Variants in ROBO3 observed in about 807,000 individuals in gnomAD.
ROBO3 encodes the protein roundabout homolog 3.
Under a neutral mutation model 160.5 loss-of-function variants are expected in ROBO3, and 97 were observed. That is an observed-to-expected ratio of 0.60 (90% confidence interval 0.51 to 0.72). The LOEUF (loss-of-function observed/expected upper bound fraction) is 0.72, where lower values mean the gene tolerates loss of function less well. Among genes scored for constraint, ROBO3 ranks in the 30% least tolerant of loss-of-function variants. The pLI, the probability that ROBO3 is intolerant of heterozygous loss-of-function variation, is 0.00. For missense variants in ROBO3, 1,858 were observed against 1,846.5 expected (o/e 1.01, Z -0.11); for synonymous variants, 780 against 746.2 (o/e 1.05, Z -0.74).
chr11:124,877,433 C>T (rs1450094388), intron 19 of ROBO3, 86 bp from the exon 20 acceptor site: 1 of 1,595,814 alleles, frequency 6.3e-7, no homozygotes, highest in Non-Finnish European at 8.6e-7. Context: ...CGCCACTGTC[C>T]TGAAACTCCC....
At position 124,873,815 on chromosome 11, in the gene ROBO3, C is replaced by A. The variant is rs1259237011; in HGVS notation, c.1737C>A (p.Asn579Lys). 6.2e-7 allele frequency: 1 copy of A among 1,613,788 alleles called. No individual in the cohort carries two copies. The highest frequency in any genetic ancestry group is 8.5e-7 in the Non-Finnish European group (1 of 1,179,800). Residue 579 changes from asparagine to lysine, a missense_variant, in exon 11 of 28, where the codon AAC (asparagine) becomes AAA (lysine). Coordinates refer to ENST00000397801, the MANE Select transcript of ROBO3 (RefSeq NM_022370.4). This position sits in a 1 kb window ranked among gnomAD's most constrained non-coding sequence, Gnocchi z 4.5. ...GCATTACCCTGACCTGGAAGCCCAA[C>A]CCACAAACTGGGGCTGCAGTCACGT... ...KNSITLTWKP[N>K]PQTGAAVTSY...
Position 124,876,164 on chromosome 11 carries a change from G to C in ROBO3, c.2593+39G>C, listed in dbSNP as rs765366725. 9.6e-6 allele frequency: 15 copies of C among 1,561,780 alleles called. No individual in the cohort carries two copies. The highest frequency in any genetic ancestry group is 9.0e-5 in the East Asian group (4 of 44,288). On this transcript the variant is annotated intron_variant, in intron 16 of 27. Transcript: ENST00000397801. The surrounding 1 kb of genome is among the most constrained non-coding windows in gnomAD (Gnocchi z 5.3). The stretch of plus-strand genomic sequence containing the variant: ...AGGGCAGTGCTGAGGATCTTGACGG[G>C]GGCGGGGCAAGCCCCCCACTGGGGT...
chr11:124,866,030 C>A (rs1187910096), intron 1 of ROBO3, among the ~76,000 whole-genome samples: 4 of 152,158 alleles, frequency 2.6e-5, no homozygotes, highest in Non-Finnish European at 5.9e-5. Flanking sequence ...TGGTAACGGG[C>A]AGGGAAGTCC....
At position 124,869,736 on chromosome 11, in the gene ROBO3, T is replaced by C; in HGVS notation, c.645+129T>C. The C allele has an allele frequency of 1.6e-6, 2 of 1,276,088 alleles. No homozygotes were observed. Among genetic ancestry groups the C allele is most frequent in the Non-Finnish European group, 2.1e-6 (2 of 931,792 alleles). The allele number at this position is 1,276,088 out of a possible 1,614,324, so 79.0% of individuals were successfully genotyped here. Reference sequence around the variant, plus strand: ...TAAGAGTCAGCTATACAGTGAGGGATAAGGAAGACGGAATTGGTATAAAAA... The same window carrying C: ...TAAGAGTCAGCTATACAGTGAGGGACAAGGAAGACGGAATTGGTATAAAAA... On this transcript the variant is annotated intron_variant, in intron 3 of 27. Coordinates refer to ENST00000397801, the MANE Select transcript of ROBO3 (RefSeq NM_022370.4). This position sits in a 1 kb window ranked among gnomAD's most constrained non-coding sequence, Gnocchi z 4.2.
At chr11:124,879,432 A>G (rs1946500395) in intron 24 of ROBO3, 33 bp from the exon 25 acceptor site, 1 of 1,610,340 alleles carries the variant, frequency 6.2e-7, no homozygotes, top group Non-Finnish European at 8.5e-7. Context: ...TTTTGCCCTT[A>G]CCCATTCCTC....
chr11:124,878,089 T>C lies in ROBO3; in HGVS notation c.3139T>C (p.Trp1047Arg), dbSNP rs886047910. ...ACATCCCTCAGGAGATCTGGGTCCC[T>C]GGAGCCAGTACGCTCCTCCAGAGTG... ...PQHPSGDLGP[W>R]SQYAPPEWSQ... The change falls in exon 21 of 28, where the codon TGG becomes CGG. Residue 1047 changes from tryptophan (W) to arginine (R), a missense_variant. Physicochemically the swap from Trp to Arg is moderately radical, Grantham distance 101. Coordinates refer to ENST00000397801, the MANE Select transcript of ROBO3 (RefSeq NM_022370.4). The surrounding 1 kb of genome is among the most constrained non-coding windows in gnomAD (Gnocchi z 4.3). 1 of 1,611,928 alleles carries C rather than the reference T, an allele frequency of 6.2e-7. No individual in the cohort carries two copies. Among genetic ancestry groups the C allele is most frequent in the Non-Finnish European group, 8.5e-7 (1 of 1,179,324 alleles).
Position 124,871,118 on chromosome 11 carries a change from T to C in ROBO3, c.1138T>C (p.Trp380Arg). ...TKGNPPPAIF[W>R]QKEGSQVLLF... ...AGGAAACCCCCCACCTGCCATCTTC[T>C]GGCAGAAGGAGGGGAGTCAGGTGGG... Residue 380 changes from tryptophan (W) to arginine (R), a missense_variant, in exon 7 of 28, where the codon TGG becomes CGG. Trp to Arg is a moderately radical substitution (Grantham distance 101, BLOSUM62 -3). Coordinates refer to ENST00000397801, the MANE Select transcript of ROBO3 (RefSeq NM_022370.4). The C allele has an allele frequency of 6.2e-7, 1 of 1,613,426 alleles. No individual in the cohort carries two copies. Among genetic ancestry groups the C allele is most frequent in the Non-Finnish European group, 8.5e-7 (1 of 1,179,540 alleles).
Position 124,869,315 on chromosome 11 carries a change from C to G in ROBO3, c.488-135C>G. 1.8e-6 allele frequency: 2 copies of G among 1,098,358 alleles called. No individual in the cohort carries two copies. The highest frequency in any genetic ancestry group is 2.7e-5 in the South Asian group (2 of 75,084). The allele number at this position is 1,098,358 out of a possible 1,614,324, so 68.0% of individuals were successfully genotyped here. The stretch of plus-strand genomic sequence containing the variant: ...AGAAGGAAGTGGATCTGACTCCAGG[C>G]TGATATTTTCTCACCTGGGAACGAA... On this transcript the variant is annotated intron_variant, in intron 2 of 27. Coordinates refer to ENST00000397801, the MANE Select transcript of ROBO3 (RefSeq NM_022370.4). This position sits in a 1 kb window ranked among gnomAD's most constrained non-coding sequence, Gnocchi z 4.2.
chr11:124,867,240 A>G (rs755847299), intron 1 of ROBO3, among the ~76,000 whole-genome samples: 4 of 152,246 alleles, frequency 2.6e-5, no homozygotes, highest in Non-Finnish European at 5.9e-5. Context: ...GATAAGGTGC[A>G]TATGCTGGGA....
intron 26 of ROBO3, 108 bp downstream of exon 26, chr11:124,880,056 T>C (rs1416070466): frequency 1.8e-6 from 2 of 1,134,288 alleles, no homozygotes; most frequent in African/African-American, 3.1e-5. Context: ...GTTAGGTTCA[T>C]GCATTTGATC....
Position 124,873,649 on chromosome 11 carries a change from G to A in ROBO3, c.1619-48G>A, listed in dbSNP as rs1322481675. The A allele has an allele frequency of 2.8e-5, 43 of 1,536,496 alleles. No individual in the cohort carries two copies. Among genetic ancestry groups the A allele is most frequent in the Non-Finnish European group, 3.8e-5 (43 of 1,131,446 alleles). ...CTGGTAAGGAGACAGGTTACACTAG[G>A]ATTATCCTTTCCCTATCTTTCTACT... On this transcript the variant is annotated intron_variant, in intron 10 of 27. Coordinates refer to ENST00000397801, the MANE Select transcript of ROBO3 (RefSeq NM_022370.4). The surrounding 1 kb of genome is among the most constrained non-coding windows in gnomAD (Gnocchi z 4.5).
In ROBO3 at chr11:124,868,777, G is replaced by A. The variant is rs199817230; in HGVS notation, c.161-25G>A. 2.0e-3 allele frequency: 3,107 copies of A among 1,587,006 alleles called. 3 individuals are homozygous for A. The highest frequency in any genetic ancestry group is 2.4e-3 in the Non-Finnish European group (2,780 of 1,165,944). ...CTCCCCACAATTTCCCTGTCTGAAC[G>A]CTCTGCGCCACCCCCTGTCCCCAGG... On this transcript the variant is annotated intron_variant, in intron 1 of 27. Transcript: ENST00000397801.
chr11:124,872,900 G>A lies in ROBO3; in HGVS notation c.1347G>A (p.Leu449=), dbSNP rs2135329490. Residue 449 remains leucine, a synonymous_variant, in exon 9 of 28, where the codon CTG becomes CTA. Transcript: ENST00000397801. The surrounding 1 kb of genome is among the most constrained non-coding windows in gnomAD (Gnocchi z 4.3). ...LEIKGASLDG[L]PPVILQGPAN... ...CTCTCTCAGCCTCTTTGGATGGGCT[G>A]CCTCCTGTCATCCTCCAGGGACCAG... 6.2e-7 allele frequency: 1 copy of A among 1,607,350 alleles called. No homozygotes were observed. The highest frequency in any genetic ancestry group is 8.5e-7 in the Non-Finnish European group (1 of 1,177,238).
Position 124,872,338 on chromosome 11 carries a change from C to T in ROBO3, c.1159-43C>T, listed in dbSNP as rs769009861. On this transcript the variant is annotated intron_variant, in intron 7 of 27. Transcript: ENST00000397801. This position sits in a 1 kb window ranked among gnomAD's most constrained non-coding sequence, Gnocchi z 4.3. ...GGAATGGGGACCTCTCCCTGCCCAGCTGCCTGCTCATTCCCTACCCTGGTT... is the reference window on the plus strand; with the variant it reads ...GGAATGGGGACCTCTCCCTGCCCAGTTGCCTGCTCATTCCCTACCCTGGTT... 1.3e-6 allele frequency: 2 copies of T among 1,587,906 alleles called. No individual in the cohort carries two copies. Among genetic ancestry groups the T allele is most frequent in the Non-Finnish European group, 1.7e-6 (2 of 1,156,434 alleles).
At chr11:124,867,577 A>G (rs957437571) in intron 1 of ROBO3, among the ~76,000 whole-genome samples, 4 of 152,218 alleles carry the variant, frequency 2.6e-5, no homozygotes, top group Non-Finnish European at 4.4e-5. Context: ...GAGGAGATGG[A>G]GAAAATTACT....
rs34127060 is a variant in ROBO3, at chr11:124,869,429, G to GCCCCCCCCCCCCCCCC, written c.488-15_488-14insCCCCCCCCCCCCCCCC. The GCCCCCCCCCCCCCCCC allele has an allele frequency of 2.8e-5, 37 of 1,301,788 alleles. No individual in the cohort carries two copies. The highest frequency in any genetic ancestry group is 8.5e-5 in the African/African-American group (5 of 58,788). 80.6% of individuals were successfully genotyped at this position (1,301,788 alleles called of 1,614,324 possible). On this transcript the variant is annotated intron_variant, in intron 2 of 27. Transcript: ENST00000397801. This position sits in a 1 kb window ranked among gnomAD's most constrained non-coding sequence, Gnocchi z 4.2. Reference sequence around the variant, plus strand: ...TGTCACTCTACACCCTGCTTATTTCGCCCCCCACCGCCCCGCCCAGTCCTC... The same window carrying GCCCCCCCCCCCCCCCC: ...TGTCACTCTACACCCTGCTTATTTCGCCCCCCCCCCCCCCCCCCCCCCACCGCCCCGCCCAGTCCTC...
rs971224177 is a variant in ROBO3, at chr11:124,872,557, G to A, written c.1330+5G>A. On this transcript the variant is annotated splice_donor_5th_base_variant and intron_variant, in intron 8 of 27. Transcript: ENST00000397801. This position sits in a 1 kb window ranked among gnomAD's most constrained non-coding sequence, Gnocchi z 4.3. ...CCCTGCTGGAGATAAAAGGAGGTACGTGCCCATGGAGATAGGACTGGATCC... is the reference window on the plus strand; with the variant it reads ...CCCTGCTGGAGATAAAAGGAGGTACATGCCCATGGAGATAGGACTGGATCC... The A allele has an allele frequency of 2.0e-5, 33 of 1,612,210 alleles. No individual in the cohort carries two copies. The highest frequency in any genetic ancestry group is 3.3e-5 in the Admixed American group (2 of 59,978).
intron 1 of ROBO3, chr11:124,868,330 G>GC: frequency 3.5e-6 from 1 of 289,554 alleles, no homozygotes; most frequent in Non-Finnish European, 6.5e-6. Flanking sequence ...ATTTCACTGA[G>GC]CCAGGACCTT....
intron 25 of ROBO3, 22 bp downstream of exon 25, chr11:124,879,597 A>G (rs1946507564): frequency 6.3e-7 from 1 of 1,590,642 alleles, no homozygotes; most frequent in South Asian, 1.1e-5. Context: ...TGCACCTGGG[A>G]GATGGTGACA....
Sources: allele counts gnomAD v4.1 joint callset (sites outside exome capture counted in the v4.1 genomes callset), GRCh38; gene constraint gnomAD v4.1.1; non-coding constraint Gnocchi (gnomAD v3.1); transcripts MANE v1.5; gene names NCBI Gene and HGNC (gene_info 2026-07-23, HGNC 2026-07-21).